Variants in COL5A3 observed in about 807,000 individuals in gnomAD.
COL5A3 encodes collagen type V alpha 3 chain.
In COL5A3, 172 loss-of-function variants were observed where a neutral mutation model predicts 250.0. The ratio of observed to expected loss-of-function variants is 0.69; its 90% CI spans 0.61 to 0.78. The LOEUF (loss-of-function observed/expected upper bound fraction) is 0.78. Among genes scored for constraint, COL5A3 ranks in the 30% least tolerant of loss-of-function variants. The probability of loss-of-function intolerance (pLI) is 0.00; values close to 1 mark genes in which losing one functional copy is unlikely to be tolerated. For missense variants in COL5A3, 2,340 were observed against 2,334.4 expected (o/e 1.00, Z -0.05); for synonymous variants, 937 against 900.4 (o/e 1.04, Z -0.73).
intron 64 of COL5A3, among the ~76,000 whole-genome samples, chr19:9,963,205 A>T (rs2145046351): frequency 6.6e-6 from 1 of 151,864 alleles, no homozygotes; most frequent in South Asian, 2.1e-4. Context: ...CTCCAATGGC[A>T]CCATTTTATT....
intron 21 of COL5A3, 58 bp downstream of exon 21, chr19:9,992,769 C>A: frequency 6.4e-7 from 1 of 1,560,142 alleles, no homozygotes; most frequent in Non-Finnish European, 8.8e-7. Context: ...AGAGCGAGAC[C>A]CTAATCTCAA....
At chr19:10,000,822 T>G (rs1017352232) in intron 8 of COL5A3, among the ~76,000 whole-genome samples, 2 of 151,974 alleles carry the variant, frequency 1.3e-5, no homozygotes, top group Non-Finnish European at 2.9e-5. Context: ...GAAAAGTAAG[T>G]AAATAAAATA....
intron 35 of COL5A3, 79 bp downstream of exon 35, chr19:9,980,569 T>G: frequency 6.5e-7 from 1 of 1,550,288 alleles, no homozygotes. Context: ...TCTTCATCTC[T>G]TGGGTTTGTC....
At chr19:9,975,680 G>T (rs2086909012) in intron 45 of COL5A3, among the ~76,000 whole-genome samples, 1 of 151,930 alleles carries the variant, frequency 6.6e-6, no homozygotes, top group South Asian at 2.1e-4. Context: ...GAAAGACATG[G>T]TTGGGTTGGG....
At position 9,971,043 on chromosome 19, in the gene COL5A3, GAC is replaced by G. The variant is rs2145070052; in HGVS notation, c.3829-17_3829-16del. 6.6e-7 allele frequency: 1 copy of G among 1,510,246 alleles called. No homozygotes were observed. The highest frequency in any genetic ancestry group is 8.8e-7 in the Non-Finnish European group (1 of 1,133,982). 93.6% of individuals were successfully genotyped at this position (1,510,246 alleles called of 1,614,324 possible). On this transcript the variant is annotated splice_polypyrimidine_tract_variant and intron_variant, in intron 52 of 66. Transcript: ENST00000264828. Reference sequence around the variant, plus strand: ...CCATCTATGCCCTGCATGGGGGGAAGACAGAGTTGGGAGGGGTGATGAGGGTA... The same window carrying G: ...CCATCTATGCCCTGCATGGGGGGAAGAGAGTTGGGAGGGGTGATGAGGGTA...
chr19:10,005,570 T>C lies in COL5A3; in HGVS notation c.582A>G (p.Glu194=). Reference sequence around the variant, plus strand: ...ACTGAACTCCTACCTCGAAAGTCTTTTCCCCAAGGTCCTGGGTCCCCAGCA... The same window carrying C: ...ACTGAACTCCTACCTCGAAAGTCTTCTCCCCAAGGTCCTGGGTCCCCAGCA... ...LTVLGTQDLG[E]KTFEGDIQEL... is the part of the protein sequence containing the mutation. Residue 194 remains glutamate, a synonymous_variant, in exon 4 of 67, where the codon GAA becomes GAG. Coordinates refer to ENST00000264828, the MANE Select transcript of COL5A3 (RefSeq NM_015719.4). The C allele has an allele frequency of 6.2e-7, 1 of 1,614,162 alleles. No individual in the cohort carries two copies. The highest frequency in any genetic ancestry group is 8.5e-7 in the Non-Finnish European group (1 of 1,180,020).
chr19:10,005,340 G>A (rs1039588711), intron 4 of COL5A3, among the ~76,000 whole-genome samples: 2 of 146,624 alleles, frequency 1.4e-5, no homozygotes, highest in African/African-American at 2.5e-5. Context: ...ACAGAGCAAG[G>A]CTCCATCTCA....
intron 4 of COL5A3, 26 bp downstream of exon 4, chr19:10,005,532 A>T: frequency 1.2e-6 from 2 of 1,611,818 alleles, no homozygotes; most frequent in South Asian, 1.1e-5. Flanking sequence ...CCTCTGCCTC[A>T]GTTTCCCCCA....
intron 8 of COL5A3, 50 bp downstream of exon 8, chr19:10,001,474 A>G (rs766643704): frequency 6.4e-7 from 1 of 1,559,270 alleles, no homozygotes; most frequent in South Asian, 1.2e-5. Flanking sequence ...AAAAAATTTT[A>G]ATAGGAATCC....
intron 62 of COL5A3, 25 bp from the exon 63 acceptor site, chr19:9,966,771 G>C (rs2086754886): frequency 2.0e-6 from 3 of 1,507,086 alleles, no homozygotes; most frequent in Non-Finnish European, 8.9e-7. Context: ...TGGGGACGGA[G>C]AAGAGAGGGG....
chr19:9,965,580 G>A (rs1347643797), intron 64 of COL5A3, among the ~76,000 whole-genome samples: 1 of 151,714 alleles, frequency 6.6e-6, no homozygotes, highest in Non-Finnish European at 1.5e-5. Flanking sequence ...CAGCCCCCGA[G>A]TAGCTGGGAT....
rs190757751 is a variant in COL5A3 at position 10,007,032 on chromosome 19, C to A, written c.89-801G>T. On this transcript the variant is annotated intron_variant, in intron 1 of 66. Coordinates refer to ENST00000264828, the MANE Select transcript of COL5A3 (RefSeq NM_015719.4). ...CCTCTGATCTCCTCTCCTGACTTTCCCCTCTGACCTCCTCCCTCTGACTTT... is the reference window on the plus strand; with the variant it reads ...CCTCTGATCTCCTCTCCTGACTTTCACCTCTGACCTCCTCCCTCTGACTTT... 1.4e-3 allele frequency among the ~76,000 whole-genome samples: 211 copies of A among 150,402 alleles called. 1 individual carries two copies. Among genetic ancestry groups the A allele is most frequent in the African/African-American group, 4.9e-3 (202 of 40,854 alleles).
At chr19:9,961,561 T>TA (rs1378496985) in intron 65 of COL5A3, among the ~76,000 whole-genome samples, 1 of 145,538 alleles carries the variant, frequency 6.9e-6, no homozygotes, top group Admixed American at 6.9e-5. Context: ...TTCATTTAAT[T>TA]TTTTTTTTTT....
At chr19:10,001,315 T>G (rs2145137503) in intron 8 of COL5A3, among the ~76,000 whole-genome samples, 1 of 152,094 alleles carries the variant, frequency 6.6e-6, no homozygotes, top group Non-Finnish European at 1.5e-5. Context: ...CCAGCTAATT[T>G]TTTGTATTTT....
chr19:9,999,462 CTTTTTTCTTTTTT>C lies in COL5A3; in HGVS notation c.1111-1326_1111-1314del, dbSNP rs1212430323. Among the ~76,000 whole-genome samples, 17 of 122,060 alleles carry C rather than the reference CTTTTTTCTTTTTT, an allele frequency of 1.4e-4. No homozygotes were observed. The East Asian group carries it at 4.0e-3, about 29-fold the overall frequency. The allele number at this position is 122,060 out of a possible 152,430, so 80.1% of individuals were successfully genotyped here. A position where few individuals can be genotyped will look rare whatever the true frequency, so the allele number is the denominator to read the frequency against. On this transcript the variant is annotated intron_variant, in intron 8 of 66. Coordinates refer to ENST00000264828, the MANE Select transcript of COL5A3 (RefSeq NM_015719.4). ...CTGGCCTTTTTTCTTTTCTTTTTTT[CTTTTTTCTTTTTT>C]TTTTTTTTTTGAGACAGAGTCTCCC...
intron 16 of COL5A3, among the ~76,000 whole-genome samples, chr19:9,994,390 C>T (rs1341541578): frequency 6.7e-6 from 1 of 149,518 alleles, no homozygotes. Flanking sequence ...TGCCATGTTG[C>T]ACAAGCTGGT....
chr19:9,977,853 C>G, intron 41 of COL5A3, 152 bp from the exon 42 acceptor site: 1 of 510,128 alleles, frequency 2.0e-6, no homozygotes, highest in Admixed American at 3.9e-5. Flanking sequence ...CTGTGAGCAC[C>G]TGAGGGGCAG....
At chr19:9,967,967 G>C in intron 60 of COL5A3, 28 bp from the exon 61 acceptor site, 1 of 1,608,720 alleles carries the variant, frequency 6.2e-7, no homozygotes, top group Non-Finnish European at 8.5e-7. Context: ...GGAGAGCTGA[G>C]GTCCTGGCCT....
At chr19:9,984,022 T>A (rs1227233653) in intron 31 of COL5A3, among the ~76,000 whole-genome samples, 1 of 151,266 alleles carries the variant, frequency 6.6e-6, no homozygotes, top group Non-Finnish European at 1.5e-5. Flanking sequence ...TCTTCCCAAA[T>A]GTCTATTTTT....
Sources: allele counts gnomAD v4.1 joint callset (sites outside exome capture counted in the v4.1 genomes callset), GRCh38; gene constraint gnomAD v4.1.1; transcripts MANE v1.5; gene names NCBI Gene and HGNC (gene_info 2026-07-23, HGNC 2026-07-21).